ZNF529: variants seen among roughly 807,000 people sequenced by gnomAD.
The protein encoded by ZNF529 is zinc finger protein 529.
Under a neutral mutation model 10.1 loss-of-function variants are expected in ZNF529, and 11 were observed. That is an observed-to-expected ratio of 1.09 (90% CI 0.69 to 1.81). The LOEUF (loss-of-function observed/expected upper bound fraction) is 1.81, where lower values mean the gene tolerates loss of function less well. Among genes scored for constraint, ZNF529 ranks in the 40% most tolerant of loss-of-function variants. The pLI, the probability that ZNF529 is intolerant of heterozygous loss-of-function variation, is 0.00. For missense variants in ZNF529, 624 were observed against 666.8 expected (o/e 0.94, Z 0.71); for synonymous variants, 204 against 215.7 (o/e 0.95, Z 0.47).
upstream of ZNF529, among the ~76,000 whole-genome samples, chr19:36,578,228 C>G (rs1397955087): frequency 2.1e-5 from 3 of 139,606 alleles, no homozygotes; most frequent in African/African-American, 7.9e-5. Context: ...CCGCACGCAG[C>G]TAATTTTTTG....
At chr19:36,549,260 G>A (rs751027157) in intron 4 of ZNF529, among the ~76,000 whole-genome samples, 1 of 151,656 alleles carries the variant, frequency 6.6e-6, no homozygotes, top group East Asian at 1.9e-4. Context: ...TTTCAGTTGT[G>A]TATTCAATAC....
Position 36,547,096 on chromosome 19 carries a change from T to TA in ZNF529, c.1461dup (p.Arg488Ter). On this transcript the variant is annotated frameshift_variant, in exon 5 of 5. Coordinates refer to ENST00000591340, the MANE Select transcript of ZNF529 (RefSeq NM_020951.5). LOFTEE classifies it low-confidence loss of function (END_TRUNC). ...TGTTCTGTAAGGGCTGAACTATGTCTAAAGGCCTTCCCACATACCTTACAT... is the reference window on the plus strand; with the variant it reads ...TGTTCTGTAAGGGCTGAACTATGTCTAAAAGGCCTTCCCACATACCTTACAT... 6.2e-7 allele frequency: 1 copy of TA among 1,613,978 alleles called. No individual in the cohort carries two copies. The highest frequency in any genetic ancestry group is 1.1e-5 in the South Asian group (1 of 91,082).
rs1259998640 is a variant in ZNF529 at position 36,599,373 on chromosome 19, ATGTT to A, written c.-128+5749_-128+5752del. Among the ~76,000 whole-genome samples the A allele has an allele frequency of 2.0e-5, 3 of 152,312 alleles. No homozygotes were observed. The East Asian group carries it at 5.8e-4, about 29-fold the overall frequency. On this transcript the variant is annotated intron_variant, in intron 1 of 4. Coordinates refer to the ZNF529 transcript ENST00000585960. Reference sequence around the variant, plus strand: ...ATTCTAAAAGGTGTAAATACTCAGAATGTTTGTCAAATCAGTTGGGCATCAATGA... The same window carrying A: ...ATTCTAAAAGGTGTAAATACTCAGAATGTCAAATCAGTTGGGCATCAATGA...
chr19:36,566,744 G>A (rs1370767106), intron 2 of ZNF529, among the ~76,000 whole-genome samples: 1 of 151,928 alleles, frequency 6.6e-6, no homozygotes, highest in Admixed American at 6.6e-5. Context: ...AAAGGGCCAG[G>A]CCTGGTGGCT....
At position 36,547,487 on chromosome 19, in the gene ZNF529, C is replaced by T. The variant is rs1325092975; in HGVS notation, c.1071G>A (p.Gln357=). Residue 357 remains glutamine, a synonymous_variant, in exon 5 of 5, where the codon CAG becomes CAA. Coordinates refer to ENST00000591340, the MANE Select transcript of ZNF529 (RefSeq NM_020951.5). ...FRISSQLIEH[Q]RIHTGEKPYA... is the part of the protein sequence containing the mutation. The stretch of plus-strand genomic sequence containing the variant: ...AAGGTTTCTCACCAGTGTGAATTCT[C>T]TGATGTTCAATGAGCTGTGAACTAA... The T allele has an allele frequency of 4.3e-6, 7 of 1,613,294 alleles. No individual in the cohort carries two copies. The highest frequency in any genetic ancestry group is 5.9e-6 in the Non-Finnish European group (7 of 1,179,424).
intron 1 of ZNF529, among the ~76,000 whole-genome samples, chr19:36,600,699 C>T (rs181642242): frequency 1.4e-3 from 208 of 152,188 alleles, no homozygotes; most frequent in African/African-American, 4.9e-3. Context: ...GGAAAAAATA[C>T]GCATGAATAA....
intron 4 of ZNF529, among the ~76,000 whole-genome samples, chr19:36,549,886 T>C (rs772486726): frequency 6.6e-6 from 1 of 152,000 alleles, no homozygotes; most frequent in Non-Finnish European, 1.5e-5. Context: ...AAATAATATC[T>C]GAATATAATT....
rs368568989 is a variant in ZNF529, at chr19:36,578,924, C to T, written c.-41+10691G>A. Among the ~76,000 whole-genome samples, 8 of 150,942 alleles carry T rather than the reference C, an allele frequency of 5.3e-5. No individual in the cohort carries two copies. The East Asian group carries it at 1.2e-3, about 23-fold the overall frequency. On this transcript the variant is annotated intron_variant, in intron 2 of 4. Transcript: ENST00000585960. Reference sequence around the variant, plus strand: ...CATGTAGTATTAAATTGTGTATTTGCGCCTGGAGGCAGTGGCTCATGCCTA... The same window carrying T: ...CATGTAGTATTAAATTGTGTATTTGTGCCTGGAGGCAGTGGCTCATGCCTA...
intron 2 of ZNF529, among the ~76,000 whole-genome samples, chr19:36,569,330 T>C (rs1038346899): frequency 2.6e-5 from 4 of 152,074 alleles, no homozygotes; most frequent in South Asian, 2.1e-4. Flanking sequence ...AACAAAAGCA[T>C]TGGAGTAACT....
exon 1 of ZNF529, chr19:36,605,245 C>T (rs1190084099): frequency 1.3e-5 from 2 of 152,216 alleles, no homozygotes; most frequent in South Asian, 2.1e-4. Context: ...GCAGCTAGCA[C>T]CGCGCGGCGA....
upstream of ZNF529, chr19:36,577,249 C>T (rs754486784): frequency 2.1e-5 from 9 of 434,910 alleles, no homozygotes; most frequent in African/African-American, 6.1e-5. Context: ...TGTGAACCAC[C>T]GTGCCCGGCC....
At chr19:36,604,660 A>G (rs559987038) in intron 1 of ZNF529, among the ~76,000 whole-genome samples, 61 of 152,260 alleles carry the variant, frequency 4.0e-4, no homozygotes, top group Admixed American at 1.1e-3. Context: ...TGAGCCCCAG[A>G]ACTGCAGAAA....
upstream of ZNF529, among the ~76,000 whole-genome samples, chr19:36,574,655 G>GT (rs2145218629): frequency 6.6e-6 from 1 of 152,244 alleles, no homozygotes; most frequent in South Asian, 2.1e-4. Flanking sequence ...TTGTGTCACT[G>GT]TAACTGTCAG....
intron 1 of ZNF529, among the ~76,000 whole-genome samples, chr19:36,592,749 G>A (rs2036752976): frequency 6.6e-6 from 1 of 152,150 alleles, no homozygotes. Context: ...GGGTTGGCTG[G>A]GAGGCAGGAT....
At chr19:36,602,237 G>A (rs1403648782) in intron 1 of ZNF529, among the ~76,000 whole-genome samples, 1 of 151,720 alleles carries the variant, frequency 6.6e-6, no homozygotes, top group Non-Finnish European at 1.5e-5. Flanking sequence ...TAGTAGAGAT[G>A]GTGTTTTGCC....
chr19:36,583,165 C>G (rs1024753369), intron 2 of ZNF529, among the ~76,000 whole-genome samples: 2 of 152,178 alleles, frequency 1.3e-5, no homozygotes, highest in East Asian at 1.9e-4. Flanking sequence ...TCAAGTGATT[C>G]TTCTGTCTCA....
At chr19:36,565,503 C>G (rs987245651) in intron 2 of ZNF529, among the ~76,000 whole-genome samples, 1 of 152,140 alleles carries the variant, frequency 6.6e-6, no homozygotes, top group Non-Finnish European at 1.5e-5. Flanking sequence ...GAGTTCGAGA[C>G]AAGCCTGGCC....
At chr19:36,589,740 A>G (rs528389729) in intron 1 of ZNF529, 2 of 152,180 alleles carry the variant, frequency 1.3e-5, no homozygotes, top group Admixed American at 6.5e-5. Context: ...CAGTGAAGAT[A>G]TATGGATTAT....
rs377291715 is a variant in ZNF529, at chr19:36,601,887, G to A, written c.-128+3239C>T. On this transcript the variant is annotated intron_variant, in intron 1 of 4. Coordinates refer to the ZNF529 transcript ENST00000585960. ...TTTGTGAGCTAAAAGGCAAAATTAA[G>A]GATATTATATAGGAGTTTATATAAA... is the stretch of plus-strand genomic sequence containing the variant. 5.3e-5 allele frequency among the ~76,000 whole-genome samples: 8 copies of A among 152,020 alleles called. 1 individual carries two copies. The highest frequency in any genetic ancestry group is 5.2e-4 in the Admixed American group (8 of 15,254).
Sources: gnomAD v4.1 joint callset for allele counts (sites outside exome capture counted in the v4.1 genomes callset) on GRCh38, gnomAD v4.1.1 for gene constraint, MANE v1.5 for transcripts, NCBI Gene and HGNC (gene_info 2026-07-23, HGNC 2026-07-21) for gene names.